Variants in SDK1 observed in about 807,000 individuals in gnomAD.
SDK1 encodes the protein sidekick cell adhesion molecule 1, also known as protein sidekick-1.
In SDK1, 157 loss-of-function variants were observed where a neutral mutation model predicts 245.5. The ratio of observed to expected loss-of-function variants is 0.64; its 90% CI spans 0.56 to 0.73. The LOEUF is 0.73. Ranked by LOEUF, SDK1 falls within the 30% of genes least tolerant of loss-of-function variation. SDK1 has a pLI of 0.00. For synonymous variants in SDK1, 1,647 were observed against 1,278.5 expected (o/e 1.29, Z -6.15); for missense variants, 3,583 against 3,002.3 (o/e 1.19, Z -4.52).
intron 5 of SDK1, among the ~76,000 whole-genome samples, chr7:3,881,058 CACAA>C (rs936966700): frequency 9.2e-5 from 14 of 152,108 alleles, no homozygotes; most frequent in African/African-American, 3.4e-4. Context: ...TGGGAAAACA[CACAA>C]ACATTCTTTT....
At chr7:3,550,144 ATC>A (rs1242130050) in intron 1 of SDK1, among the ~76,000 whole-genome samples, 24 of 152,170 alleles carry the variant, frequency 1.6e-4, no homozygotes, top group African/African-American at 5.1e-4. Context: ...ATATGTGTCT[ATC>A]TCAATATATG....
At chr7:4,179,825 G>A (rs1012364039) in intron 35 of SDK1, among the ~76,000 whole-genome samples, 1 of 151,866 alleles carries the variant, frequency 6.6e-6, no homozygotes, top group Non-Finnish European at 1.5e-5. Context: ...AGTTGTATTC[G>A]GGTGACTGGG....
intron 32 of SDK1, among the ~76,000 whole-genome samples, chr7:4,166,042 A>T (rs1246546634): frequency 7.0e-6 from 1 of 142,332 alleles, no homozygotes; most frequent in Non-Finnish European, 1.5e-5. Flanking sequence ...TCCTTCCTTG[A>T]CCTCCCAAAG....
intron 22 of SDK1, among the ~76,000 whole-genome samples, chr7:4,103,651 G>A (rs1482682730): frequency 6.6e-6 from 1 of 152,180 alleles, no homozygotes; most frequent in Non-Finnish European, 1.5e-5. Context: ...TTGTAAATTC[G>A]TTAATGCATT....
chr7:4,134,412 A>G (rs1778910545), intron 28 of SDK1, among the ~76,000 whole-genome samples: 1 of 152,174 alleles, frequency 6.6e-6, no homozygotes, highest in Non-Finnish European at 1.5e-5. Context: ...GTCTTGGGGT[A>G]GGAAATGGTC....
intron 20 of SDK1, among the ~76,000 whole-genome samples, chr7:4,074,048 C>G (rs748970850): frequency 4.6e-5 from 7 of 152,068 alleles, no homozygotes; most frequent in African/African-American, 9.7e-5. Flanking sequence ...TTAGGGTTGT[C>G]CTGTTGCATT....
chr7:4,076,893 G>A, intron 20 of SDK1, 105 bp from the exon 21 acceptor site: 2 of 1,007,410 alleles, frequency 2.0e-6, no homozygotes, highest in Non-Finnish European at 2.9e-6. Context: ...AGCACATCCA[G>A]CCAAGCTCTC....
intron 1 of SDK1, among the ~76,000 whole-genome samples, chr7:3,363,633 T>TC (rs1413429843): frequency 1.3e-5 from 2 of 152,172 alleles, no homozygotes; most frequent in Non-Finnish European, 2.9e-5. Flanking sequence ...ATGAAACTGT[T>TC]CCACCTCACG....
intron 5 of SDK1, among the ~76,000 whole-genome samples, chr7:3,872,609 C>A (rs1270741827): frequency 1.4e-5 from 2 of 142,104 alleles, no homozygotes; most frequent in African/African-American, 5.2e-5. Flanking sequence ...TATGTGATAT[C>A]AGCAGTGATA....
In SDK1 at chr7:3,967,568, G is replaced by A; in HGVS notation, c.1546+134G>A. The stretch of plus-strand genomic sequence containing the variant: ...CAATGAAGATTAAATAACTCTTATT[G>A]CAGCAGTCCCCAACCTTTTTGGCAC... On this transcript the variant is annotated intron_variant, in intron 10 of 44. Transcript: ENST00000404826. 5 of 650,572 alleles carry A rather than the reference G, an allele frequency of 7.7e-6. No homozygotes were observed. The South Asian group carries it at 9.6e-5, about 12-fold the overall frequency. 40.3% of individuals were successfully genotyped at this position (650,572 alleles called of 1,614,324 possible).
chr7:3,519,107 G>A (rs1318694136), intron 1 of SDK1, among the ~76,000 whole-genome samples: 1 of 152,182 alleles, frequency 6.6e-6, no homozygotes, highest in African/African-American at 2.4e-5. Context: ...TGATTTCATA[G>A]AAGTCAAAAG....
At chr7:4,225,904 G>A (rs993692939) in intron 40 of SDK1, among the ~76,000 whole-genome samples, 5 of 152,112 alleles carry the variant, frequency 3.3e-5, no homozygotes, top group African/African-American at 7.2e-5. Context: ...GGTCGCCAAC[G>A]ATCTCCCCTT....
chr7:4,142,970 C>T (rs1391198561), intron 28 of SDK1, among the ~76,000 whole-genome samples: 1 of 152,194 alleles, frequency 6.6e-6, no homozygotes, highest in Non-Finnish European at 1.5e-5. Flanking sequence ...TAGGGTCATT[C>T]TCCCAGCCCC....
intron 5 of SDK1, among the ~76,000 whole-genome samples, chr7:3,876,148 ATCCAGACTCTCCCAGTGTCC>A (rs1460002957): frequency 6.6e-6 from 1 of 152,174 alleles, no homozygotes; most frequent in Non-Finnish European, 1.5e-5. Context: ...CCGGGGACAC[ATCCAGACTCTCCCAGTGTCC>A]TCCTGAAGTC....
intron 14 of SDK1, among the ~76,000 whole-genome samples, chr7:3,996,687 T>C (rs770654598): frequency 3.3e-5 from 5 of 152,218 alleles, no homozygotes; most frequent in Non-Finnish European, 7.3e-5. Context: ...TTTAGATATT[T>C]ATTTTCCATT....
intron 1 of SDK1, among the ~76,000 whole-genome samples, chr7:3,419,526 G>C (rs1266696513): frequency 6.6e-6 from 1 of 152,166 alleles, no homozygotes; most frequent in African/African-American, 2.4e-5. Flanking sequence ...TGTTTCGAAA[G>C]TATTGAGTGC....
intron 4 of SDK1, among the ~76,000 whole-genome samples, chr7:3,656,509 T>C (rs1783189862): frequency 6.6e-6 from 1 of 152,180 alleles, no homozygotes; most frequent in African/African-American, 2.4e-5. Flanking sequence ...AAGGGGGTAC[T>C]GCTGGAGTCA....
At chr7:3,431,368 T>G (rs953942831) in intron 1 of SDK1, among the ~76,000 whole-genome samples, 3 of 151,014 alleles carry the variant, frequency 2.0e-5, no homozygotes, top group Non-Finnish European at 4.4e-5. Context: ...GTTTTTTTTT[T>G]TTTTTTTTTT....
chr7:3,528,888 C>G (rs189562130), intron 1 of SDK1, among the ~76,000 whole-genome samples: 1 of 152,112 alleles, frequency 6.6e-6, no homozygotes, highest in African/African-American at 2.4e-5. Context: ...TCTTCCTGAT[C>G]TCCTTCTCTC....
Sources: gnomAD v4.1 joint callset for allele counts (sites outside exome capture counted in the v4.1 genomes callset) on GRCh38, gnomAD v4.1.1 for gene constraint, MANE v1.5 for transcripts, NCBI Gene and HGNC (gene_info 2026-07-23, HGNC 2026-07-21) for gene names.